FBN1: variants seen among roughly 807,000 people sequenced by gnomAD.
FBN1 encodes fibrillin 1.
FBN1 carries 29 observed loss-of-function variants against 365.1 expected under a neutral mutation model. That is an observed-to-expected ratio of 0.08 (90% CI 0.06 to 0.11). FBN1 has a LOEUF of 0.11. Ranked by LOEUF, FBN1 falls within the 10% of genes least tolerant of loss-of-function variation. FBN1 has a pLI of 1.00. For missense variants in FBN1, 2,476 were observed against 3,703.2 expected (o/e 0.67, Z 8.60); for synonymous variants, 1,210 against 1,270.5 (o/e 0.95, Z 1.01).
At chr15:48,455,214 C>T (rs1392471855) in intron 44 of FBN1, among the ~76,000 whole-genome samples, 1 of 152,218 alleles carries the variant, frequency 6.6e-6, no homozygotes, top group Non-Finnish European at 1.5e-5. Context: ...GAAGTTGGAG[C>T]ACTTAGTTAT....
chr15:48,468,929 G>T (rs142581337), intron 36 of FBN1, among the ~76,000 whole-genome samples: 2,653 of 151,692 alleles, frequency 0.017, 53 homozygotes, highest in East Asian at 0.082. Context: ...TTAGCCAGGC[G>T]TGGTGGTGGG....
chr15:48,614,254 C>T (rs1179776846), intron 2 of FBN1, among the ~76,000 whole-genome samples: 1 of 152,172 alleles, frequency 6.6e-6, no homozygotes, highest in Non-Finnish European at 1.5e-5. Context: ...AAATGTTTTG[C>T]AATCAATTTC....
intron 8 of FBN1, among the ~76,000 whole-genome samples, chr15:48,531,928 G>GA (rs368047861): frequency 7.9e-5 from 12 of 151,100 alleles, no homozygotes; most frequent in African/African-American, 1.7e-4. Context: ...GATGGCAAAG[G>GA]AAAAAAAAAT....
chr15:48,506,919 GCT>G lies in FBN1; in HGVS notation c.1837+1661_1837+1662del, dbSNP rs150432019. Among the ~76,000 whole-genome samples the G allele has an allele frequency of 6.8e-4, 101 of 149,076 alleles. 1 individual carries two copies. Among genetic ancestry groups the G allele is most frequent in the Non-Finnish European group, 5.7e-4 (38 of 66,930 alleles). On this transcript the variant is annotated intron_variant, in intron 15 of 65. Transcript: ENST00000316623. ...ATTGATAATAATACAGAGCTGTGGAGCTCTCTCTCTCTCTCTCTCAGATCCTT... is the reference window on the plus strand; with the variant it reads ...ATTGATAATAATACAGAGCTGTGGAGCTCTCTCTCTCTCTCTCAGATCCTT...
intron 2 of FBN1, among the ~76,000 whole-genome samples, chr15:48,632,412 G>A (rs1890005155): frequency 6.6e-6 from 1 of 152,174 alleles, no homozygotes; most frequent in African/African-American, 2.4e-5. Context: ...GTCAGGCATA[G>A]TACTAAGAAC....
intron 32 of FBN1, among the ~76,000 whole-genome samples, chr15:48,477,205 T>C (rs575308039): frequency 6.6e-6 from 1 of 152,352 alleles, no homozygotes; most frequent in East Asian, 1.9e-4. Context: ...AAAATTATCA[T>C]TTCTTTTTAA....
At chr15:48,490,415 C>T (rs1399694225) in intron 24 of FBN1, among the ~76,000 whole-genome samples, 2 of 152,132 alleles carry the variant, frequency 1.3e-5, no homozygotes, top group East Asian at 1.9e-4. Flanking sequence ...ATCACCGATG[C>T]GTGCATGCCA....
At chr15:48,592,265 C>T (rs904149088) in intron 6 of FBN1, among the ~76,000 whole-genome samples, 2 of 152,146 alleles carry the variant, frequency 1.3e-5, no homozygotes, top group East Asian at 1.9e-4. Flanking sequence ...TCACACCCCA[C>T]CCCCATCTCC....
Position 48,424,771 on chromosome 15 carries a change from TA to T in FBN1, c.7453+597del, listed in dbSNP as rs1387336555. ...TTGTGGAGGAAGATGTTTACAGGAG[TA>T]AAATTAAACCAAAAAAATTTTGCAA... On this transcript the variant is annotated intron_variant, in intron 60 of 65. Transcript: ENST00000316623. Among the ~76,000 whole-genome samples, 3 of 152,166 alleles carry T rather than the reference TA, an allele frequency of 2.0e-5. No individual in the cohort carries two copies. The East Asian group carries it at 5.8e-4, about 29-fold the overall frequency.
intron 5 of FBN1, among the ~76,000 whole-genome samples, chr15:48,597,464 T>G (rs2044524741): frequency 6.6e-6 from 1 of 152,248 alleles, no homozygotes; most frequent in Admixed American, 6.5e-5. Context: ...TTTTTGGAGC[T>G]GCACTACAGG....
chr15:48,473,792 T>C (rs368021415), intron 34 of FBN1, among the ~76,000 whole-genome samples: 2 of 151,850 alleles, frequency 1.3e-5, no homozygotes, highest in Admixed American at 6.6e-5. Context: ...AAGGAAGTCA[T>C]TGGTGAGAAA....
chr15:48,503,946 A>G lies in FBN1; in HGVS notation c.1961-7T>C, dbSNP rs878853675. ...GTGCTCCGCATGTGTGTGTCTAAACAGGAAGAAGCATCTGTCATCACACTG... is the reference window on the plus strand; with the variant it reads ...GTGCTCCGCATGTGTGTGTCTAAACGGGAAGAAGCATCTGTCATCACACTG... On this transcript the variant is annotated splice_polypyrimidine_tract_variant and splice_region_variant and intron_variant, in intron 16 of 65. Transcript: ENST00000316623. 20 of 1,613,974 alleles carry G rather than the reference A, an allele frequency of 1.2e-5. No homozygotes were observed. Among genetic ancestry groups the G allele is most frequent in the Non-Finnish European group, 1.7e-5 (20 of 1,180,030 alleles).
At chr15:48,492,784 A>C (rs74662988) in intron 23 of FBN1, among the ~76,000 whole-genome samples, 198 bp from the exon 24 acceptor site, 34 of 152,160 alleles carry the variant, frequency 2.2e-4, no homozygotes, top group Admixed American at 5.2e-4. Context: ...TAAATATGTA[A>C]GAGTTTCTCC....
chr15:48,527,652 A>G (rs963023485), intron 8 of FBN1, among the ~76,000 whole-genome samples: 1 of 152,272 alleles, frequency 6.6e-6, no homozygotes, highest in African/African-American at 2.4e-5. Context: ...CTTCTGACTC[A>G]AGTTCACCTT....
intron 2 of FBN1, among the ~76,000 whole-genome samples, chr15:48,635,907 T>C (rs547651717): frequency 1.3e-5 from 2 of 152,238 alleles, no homozygotes; most frequent in Non-Finnish European, 2.9e-5. Flanking sequence ...ATTCTGAAGT[T>C]ACAGCAGCAA....
At chr15:48,510,013 G>A in intron 14 of FBN1, 31 bp downstream of exon 14, 2 of 1,611,210 alleles carry the variant, frequency 1.2e-6, no homozygotes, top group East Asian at 2.2e-5. Flanking sequence ...GCAATGGAAG[G>A]AGAGGACTAA....
rs1214082983 is a variant in FBN1, at chr15:48,425,581, TC to T, written c.7331-91del. On this transcript the variant is annotated intron_variant, in intron 59 of 65. Transcript: ENST00000316623. Reference sequence around the variant, plus strand: ...CAGGGTCTAACGAAGAATTTTAGTTTCGGGGAAAGAAAAAGGAAACTCTGTG... The same window carrying T: ...CAGGGTCTAACGAAGAATTTTAGTTTGGGGAAAGAAAAAGGAAACTCTGTG... 1.2e-5 allele frequency: 19 copies of T among 1,587,064 alleles called. No homozygotes were observed. The Middle Eastern group carries it at 1.5e-3, about 125-fold the overall frequency.
chr15:48,483,981 A>G (rs750626529), intron 30 of FBN1, 38 bp from the exon 31 acceptor site: 1 of 1,605,208 alleles, frequency 6.2e-7, no homozygotes, highest in Non-Finnish European at 8.5e-7. Flanking sequence ...GGTTGTTGAT[A>G]TTGGTTCCAC....
intron 2 of FBN1, among the ~76,000 whole-genome samples, chr15:48,640,043 G>T (rs1890171388): frequency 6.6e-6 from 1 of 152,082 alleles, no homozygotes; most frequent in Non-Finnish European, 1.5e-5. Context: ...TAAAGTATAT[G>T]CTACACAAGA....
Sources: gnomAD v4.1 joint callset for allele counts (sites outside exome capture counted in the v4.1 genomes callset) on GRCh38, gnomAD v4.1.1 for gene constraint, MANE v1.5 for transcripts, NCBI Gene and HGNC (gene_info 2026-07-23, HGNC 2026-07-21) for gene names.